ANK2: variants seen among roughly 807,000 people sequenced by gnomAD.
ANK2 encodes ankyrin 2.
A neutral mutation model predicts 360.5 loss-of-function variants in ANK2; 83 were observed. The observed-to-expected ratio is 0.23, with a 90% CI of 0.19 to 0.28. ANK2 has a LOEUF of 0.28. Ranked by LOEUF, ANK2 falls within the 10% of genes least tolerant of loss-of-function variation. ANK2 has a pLI of 1.00. For missense variants in ANK2, 4,201 were observed against 4,795.7 expected, an observed-to-expected ratio of 0.88 and a Z score of 3.66; for synonymous variants, 1,740 against 1,759.5, an observed-to-expected ratio of 0.99 and a Z score of 0.28.
At chr4:113,285,185 T>C (rs2063927509) in intron 18 of ANK2, among the ~76,000 whole-genome samples, 1 of 152,106 alleles carries the variant, frequency 6.6e-6, no homozygotes. Flanking sequence ...GTTTTTCCTC[T>C]ATTCTCACAC....
intron 2 of ANK2, among the ~76,000 whole-genome samples, chr4:112,940,775 T>A (rs2094145566): frequency 6.6e-6 from 1 of 152,144 alleles, no homozygotes; most frequent in Admixed American, 6.5e-5. Flanking sequence ...TGAAAAAATA[T>A]AATTTTTAGT....
At chr4:113,280,512 C>G (rs2061886836) in intron 17 of ANK2, among the ~76,000 whole-genome samples, 1 of 152,152 alleles carries the variant, frequency 6.6e-6, no homozygotes, top group African/African-American at 2.4e-5. Flanking sequence ...GGGGCCACTC[C>G]TAGAGGGCTC....
chr4:113,293,522 TCAC>T lies in ANK2; in HGVS notation c.2472_2474del (p.Thr826del), dbSNP rs770530257. 385 of 1,612,650 alleles carry T rather than the reference TCAC, an allele frequency of 2.4e-4. No homozygotes were observed. Among genetic ancestry groups the T allele is most frequent in the South Asian group, 4.4e-4 (40 of 91,010 alleles). On this transcript the variant is annotated inframe_deletion, in exon 22 of 46. Transcript: ENST00000357077. ...ACCCTGAAGGTTGTGACTGAGGAGG[TCAC>T]CACCACCACCACAGTGAGTATGAGT...
chr4:112,858,133 A>G (rs1366766765), intron 1 of ANK2, among the ~76,000 whole-genome samples: 2 of 152,182 alleles, frequency 1.3e-5, no homozygotes, highest in Non-Finnish European at 1.5e-5. Flanking sequence ...TTTCATGGAA[A>G]TTTAGTGCAT....
chr4:112,889,139 T>C (rs1303251073), intron 1 of ANK2, among the ~76,000 whole-genome samples: 1 of 152,162 alleles, frequency 6.6e-6, no homozygotes, highest in Admixed American at 6.5e-5. Context: ...TTCTTAAACA[T>C]TTCTCCTCTA....
the ANK2 span, among the ~76,000 whole-genome samples, chr4:112,789,761 A>G: frequency 6.6e-6 from 1 of 152,224 alleles, no homozygotes; most frequent in Non-Finnish European, 1.5e-5. Flanking sequence ...GTATGCTGCT[A>G]GAGAAGAAGG....
intron 45 of ANK2, among the ~76,000 whole-genome samples, chr4:113,377,601 C>T (rs1031313778): frequency 6.6e-6 from 1 of 152,104 alleles, no homozygotes; most frequent in Non-Finnish European, 1.5e-5. Context: ...TATGTGTGTC[C>T]TCTACTATAC....
At chr4:112,945,825 C>T (rs1678305609) in intron 2 of ANK2, among the ~76,000 whole-genome samples, 1 of 152,204 alleles carries the variant, frequency 6.6e-6, no homozygotes, top group South Asian at 2.1e-4. Flanking sequence ...TCCCAAGTTA[C>T]ACAGCTCAGA....
intron 1 of ANK2, among the ~76,000 whole-genome samples, chr4:113,082,116 C>G (rs313972): frequency 0.011 from 1,638 of 152,216 alleles, 26 homozygotes; most frequent in African/African-American, 0.037. Flanking sequence ...GTCATGAAAA[C>G]ATGTATTCTT....
chr4:112,872,450 G>T (rs543316843), intron 1 of ANK2, among the ~76,000 whole-genome samples: 1 of 151,844 alleles, frequency 6.6e-6, no homozygotes, highest in East Asian at 1.9e-4. Context: ...CGATTCTCCC[G>T]CCTCAGCCTC....
chr4:112,778,032 C>G, the ANK2 span, among the ~76,000 whole-genome samples: 89 of 151,864 alleles, frequency 5.9e-4, no homozygotes, highest in Non-Finnish European at 1.5e-5. Flanking sequence ...TGCAATGGCG[C>G]GATCTCGGCT....
At chr4:112,715,740 A>T in the ANK2 span, among the ~76,000 whole-genome samples, 3 of 152,222 alleles carry the variant, frequency 2.0e-5, no homozygotes, top group Middle Eastern at 3.4e-3. Context: ...TAAGCTCTAG[A>T]ACTTCTCACT....
At chr4:113,327,081 G>A (rs6833692) in intron 26 of ANK2, among the ~76,000 whole-genome samples, 23,584 of 152,046 alleles carry the variant, frequency 0.16, 3,226 homozygotes, top group African/African-American at 0.37. Context: ...GGATTTTTGT[G>A]CAATACTTAA....
chr4:113,361,874 G>A (rs2096247928), intron 39 of ANK2, among the ~76,000 whole-genome samples: 1 of 151,818 alleles, frequency 6.6e-6, no homozygotes, highest in Non-Finnish European at 1.5e-5. Context: ...CATAGTAAAT[G>A]CAATATGTAT....
intron 23 of ANK2, among the ~76,000 whole-genome samples, chr4:113,306,665 C>G (rs2077366784): frequency 1.3e-5 from 2 of 152,148 alleles, no homozygotes; most frequent in African/African-American, 4.8e-5. Flanking sequence ...ATCCCTGTGA[C>G]ACAGGCTGTG....
Position 113,318,584 on chromosome 4 carries a change from A to G in ANK2, c.2864A>G (p.Asp955Gly), listed in dbSNP as rs1290824364. ...CTAAGCTGGGGCACTGAGAACTTAG[A>G]CAACGTGGCTCTTTCTTCTAGTCCT... is the stretch of plus-strand genomic sequence containing the variant. ...YRLSWGTENL[D>G]NVALSSSPIH... Residue 955 changes from aspartate (D) to glycine (G), a missense_variant, in exon 26 of 46, where the codon GAC (aspartate) becomes GGC (glycine). Coordinates refer to ENST00000357077, the MANE Select transcript of ANK2 (RefSeq NM_001148.6). 6.8e-6 allele frequency: 11 copies of G among 1,613,736 alleles called. No homozygotes were observed. Among genetic ancestry groups the G allele is most frequent in the Non-Finnish European group, 9.3e-6 (11 of 1,179,784 alleles).
intron 1 of ANK2, chr4:112,826,831 A>C (rs2058512666): frequency 7.8e-7 from 1 of 1,275,464 alleles, no homozygotes; most frequent in African/African-American, 1.5e-5. Context: ...AAAGTAAAAG[A>C]GAATGGAACA....
intron 2 of ANK2, among the ~76,000 whole-genome samples, chr4:112,957,853 G>C (rs2031250452): frequency 6.7e-6 from 1 of 150,260 alleles, no homozygotes; most frequent in Admixed American, 6.6e-5. Context: ...CGGTTGCCAG[G>C]CAGAGGGTCT....
At chr4:112,769,575 A>G in the ANK2 span, among the ~76,000 whole-genome samples, 1 of 152,124 alleles carries the variant, frequency 6.6e-6, no homozygotes, top group Non-Finnish European at 1.5e-5. Context: ...GTGCCCATCA[A>G]TGCTGCATAA....
Sources: gnomAD v4.1 joint callset for allele counts (sites outside exome capture counted in the v4.1 genomes callset) on GRCh38, gnomAD v4.1.1 for gene constraint, MANE v1.5 for transcripts, NCBI Gene and HGNC (gene_info 2026-07-23, HGNC 2026-07-21) for gene names.